CAPZB: variants seen among roughly 807,000 people sequenced by gnomAD.
CAPZB encodes F-actin-capping protein subunit beta.
Under a neutral mutation model 38.1 loss-of-function variants are expected in CAPZB, and 2 were observed. That is an observed-to-expected ratio of 0.05 (90% confidence interval 0.02 to 0.17). The LOEUF (loss-of-function observed/expected upper bound fraction) is 0.17. Among genes scored for constraint, CAPZB ranks in the 10% least tolerant of loss-of-function variants. The probability of loss-of-function intolerance (pLI) is 1.00; values close to 1 mark genes in which losing one functional copy is unlikely to be tolerated. For synonymous variants in CAPZB, 107 were observed against 127.4 expected (o/e 0.84, Z 1.08); for missense variants, 161 against 334.2 (o/e 0.48, Z 4.04).
Position 19,378,551 on chromosome 1 carries a change from C to G in CAPZB, c.318G>C (p.Gln106His). The G allele has an allele frequency of 6.3e-7, 1 of 1,599,374 alleles. No homozygotes were observed. Among genetic ancestry groups the G allele is most frequent in the Non-Finnish European group, 8.6e-7 (1 of 1,166,434 alleles). ...LEVEANNAFD[Q>H]YRDLYFEGGV... ...AGAAAATGACTCACAGGTCTCGATA[C>G]TGGTCAAAGGCATTGTTGGCTTCCA... is the stretch of plus-strand genomic sequence containing the variant. Residue 106 changes from glutamine (Q) to histidine (H), a missense_variant, in exon 4 of 9, where the codon CAG (glutamine) becomes CAC (histidine). Transcript: ENST00000264202.
intron 1 of CAPZB, among the ~76,000 whole-genome samples, chr1:19,440,392 G>C (rs541681343): frequency 6.6e-6 from 1 of 152,162 alleles, no homozygotes; most frequent in South Asian, 2.1e-4. Flanking sequence ...AAGAGATGAT[G>C]TAAAAACAAT....
intron 6 of CAPZB, among the ~76,000 whole-genome samples, chr1:19,347,866 T>C (rs1257017100): frequency 6.6e-6 from 1 of 152,218 alleles, no homozygotes; most frequent in Non-Finnish European, 1.5e-5. Flanking sequence ...ACAGCACTGT[T>C]AGATTCCGAC....
chr1:19,404,434 T>TC (rs1392809766), intron 2 of CAPZB, among the ~76,000 whole-genome samples: 9 of 150,956 alleles, frequency 6.0e-5, no homozygotes, highest in Non-Finnish European at 1.0e-4. Flanking sequence ...GTTCCAGCTA[T>TC]TCCAGACGCT....
intron 2 of CAPZB, among the ~76,000 whole-genome samples, chr1:19,387,274 T>C (rs2094209270): frequency 6.6e-6 from 1 of 152,200 alleles, no homozygotes; most frequent in Non-Finnish European, 1.5e-5. Context: ...ACTCTAACTT[T>C]GGTTTAATGT....
chr1:19,471,468 C>T (rs2094586689), intron 1 of CAPZB, among the ~76,000 whole-genome samples: 1 of 152,150 alleles, frequency 6.6e-6, no homozygotes, highest in African/African-American at 2.4e-5. Flanking sequence ...GCTGAGGATC[C>T]CACACTCACA....
At chr1:19,470,041 G>A (rs1370537655) in intron 1 of CAPZB, among the ~76,000 whole-genome samples, 4 of 152,088 alleles carry the variant, frequency 2.6e-5, no homozygotes, top group Non-Finnish European at 5.9e-5. Flanking sequence ...GCAACACGGT[G>A]AAACCCCGTC....
chr1:19,355,339 C>CA (rs1395194151), intron 6 of CAPZB, among the ~76,000 whole-genome samples: 1 of 151,834 alleles, frequency 6.6e-6, no homozygotes, highest in African/African-American at 2.4e-5. Flanking sequence ...ACTAAAAATA[C>CA]AAAAAATGAG....
At chr1:19,394,272 C>T (rs2094254074) in intron 2 of CAPZB, among the ~76,000 whole-genome samples, 1 of 152,174 alleles carries the variant, frequency 6.6e-6, no homozygotes, top group Non-Finnish European at 1.5e-5. Flanking sequence ...AGGCATGAGC[C>T]ACCGCGCCTG....
At chr1:19,382,034 C>T (rs190680489) in intron 3 of CAPZB, among the ~76,000 whole-genome samples, 43 of 152,234 alleles carry the variant, frequency 2.8e-4, no homozygotes, top group Non-Finnish European at 4.7e-4. Flanking sequence ...CACACTCATA[C>T]GCAGGACCGT....
At chr1:19,475,888 G>T (rs974374955) in intron 1 of CAPZB, among the ~76,000 whole-genome samples, 1 of 152,062 alleles carries the variant, frequency 6.6e-6, no homozygotes. Context: ...GCTGTGTCAG[G>T]GCCAGTGTGT....
intron 4 of CAPZB, among the ~76,000 whole-genome samples, chr1:19,364,045 T>C (rs2094069486): frequency 2.6e-5 from 4 of 152,176 alleles, no homozygotes; most frequent in Admixed American, 2.6e-4. Context: ...ACCTCTGGCC[T>C]GAGATACCTG....
chr1:19,379,316 C>T (rs2094161526), intron 3 of CAPZB, among the ~76,000 whole-genome samples: 1 of 152,150 alleles, frequency 6.6e-6, no homozygotes, highest in Non-Finnish European at 1.5e-5. Flanking sequence ...CCAGGCTGGT[C>T]TCAAACTCCT....
chr1:19,423,971 C>T lies in CAPZB; in HGVS notation c.4-4221G>A, dbSNP rs577504260. ...GGATTACAGGCATGAGCCACCATGC[C>T]CAGCCAATTTTTCTATTTTTTGTAG... is the stretch of plus-strand genomic sequence containing the variant. On this transcript the variant is annotated intron_variant, in intron 1 of 8. Coordinates refer to ENST00000264202, the MANE Select transcript of CAPZB (RefSeq NM_004930.5). Among the ~76,000 whole-genome samples, 11 of 152,202 alleles carry T rather than the reference C, an allele frequency of 7.2e-5. No individual in the cohort carries two copies. The South Asian group carries it at 2.3e-3, about 32-fold the overall frequency.
Position 19,356,903 on chromosome 1 carries a change from C to G in CAPZB, c.472-152G>C, listed in dbSNP as rs556896506. On this transcript the variant is annotated intron_variant, in intron 5 of 8. Transcript: ENST00000264202. The surrounding 1 kb of genome is among the most constrained non-coding windows in gnomAD (Gnocchi z 4.3). The stretch of plus-strand genomic sequence containing the variant: ...TGGAGACAAAGTCTCGCTCTGTCAC[C>G]CAGGCTGGAGTGCAGTGGTGCGATC... 3 of 631,892 alleles carry G rather than the reference C, an allele frequency of 4.7e-6. No homozygotes were observed. The East Asian group carries it at 8.2e-5, about 17-fold the overall frequency. The allele number at this position is 631,892 out of a possible 1,614,324, so 39.1% of individuals were successfully genotyped here.
intron 2 of CAPZB, among the ~76,000 whole-genome samples, chr1:19,412,275 A>G (rs903383834): frequency 9.2e-5 from 14 of 152,180 alleles, no homozygotes; most frequent in African/African-American, 3.4e-4. Context: ...CTCCAGAGAT[A>G]ACATTCGGCT....
At chr1:19,477,751 A>C (rs2094611891) in intron 1 of CAPZB, among the ~76,000 whole-genome samples, 1 of 152,212 alleles carries the variant, frequency 6.6e-6, no homozygotes, top group Non-Finnish European at 1.5e-5. Flanking sequence ...GCATCTTTTC[A>C]TAACTTTTTT....
chr1:19,447,090 T>C (rs1026201441), intron 1 of CAPZB, among the ~76,000 whole-genome samples: 2 of 152,162 alleles, frequency 1.3e-5, no homozygotes, highest in African/African-American at 4.8e-5. Flanking sequence ...AAGATTATGG[T>C]GGCCCCCAGG....
chr1:19,460,701 C>A lies in CAPZB; in HGVS notation c.3+24735G>T, dbSNP rs969626750. On this transcript the variant is annotated intron_variant, in intron 1 of 8. Coordinates refer to ENST00000264202, the MANE Select transcript of CAPZB (RefSeq NM_004930.5). ...GTGCAGGGATTACAGGCATGAGCCA[C>A]CAAGTTCTGATCAACGGTACTAACC... is the stretch of plus-strand genomic sequence containing the variant. Among the ~76,000 whole-genome samples the A allele has an allele frequency of 7.3e-5, 11 of 151,164 alleles. No individual in the cohort carries two copies. In the East Asian group the frequency reaches 2.0e-3, roughly 27 times the overall value.
chr1:19,392,187 TAAA>T (rs746920918), intron 2 of CAPZB, among the ~76,000 whole-genome samples: 1 of 23,782 alleles, frequency 4.2e-5, no homozygotes. Flanking sequence ...TGTCTCAAGG[TAAA>T]AAAAAAAAAA....
Sources: allele counts gnomAD v4.1 joint callset (sites outside exome capture counted in the v4.1 genomes callset), GRCh38; gene constraint gnomAD v4.1.1; non-coding constraint Gnocchi (gnomAD v3.1); transcripts MANE v1.5; gene names NCBI Gene and HGNC (gene_info 2026-07-23, HGNC 2026-07-21).